TARS3: variants seen among roughly 807,000 people sequenced by gnomAD.
TARS3 encodes threonine--tRNA ligase 2, cytoplasmic.
A neutral mutation model predicts 103.5 loss-of-function variants in TARS3; 94 were observed. The ratio of observed to expected loss-of-function variants is 0.91; its 90% CI spans 0.77 to 1.08. The LOEUF is 1.08. TARS3 is among the 50% of genes least tolerant of loss of function. TARS3 has a pLI of 0.00. For synonymous variants in TARS3, 416 were observed against 355.4 expected (o/e 1.17, Z -1.92); for missense variants, 952 against 995.2 (o/e 0.96, Z 0.58).
At chr15:101,713,222 T>C (rs1899951559) in intron 4 of TARS3, among the ~76,000 whole-genome samples, 2 of 151,596 alleles carry the variant, frequency 1.3e-5, no homozygotes, top group South Asian at 4.2e-4. Flanking sequence ...TATAGAAAAA[T>C]GGTGAGTGTC....
chr15:101,704,390 C>G (rs1332025602), intron 7 of TARS3, among the ~76,000 whole-genome samples: 1 of 152,136 alleles, frequency 6.6e-6, no homozygotes, highest in Non-Finnish European at 1.5e-5. Context: ...TGTGGTGGCT[C>G]ACACCTGTAA....
rs145284423 is a variant in TARS3, at chr15:101,658,618, G to A, written c.2073-761C>T. Among the ~76,000 whole-genome samples, 429 of 152,258 alleles carry A rather than the reference G, an allele frequency of 2.8e-3. 2 individuals are homozygous for A. The highest frequency in any genetic ancestry group is 9.7e-3 in the African/African-American group (404 of 41,544). ...ACTGGTGGCCTTACACCATCTGTCC[G>A]TGTGACACAGCTAAATACACGTTCA... is the stretch of plus-strand genomic sequence containing the variant. On this transcript the variant is annotated intron_variant, in intron 16 of 18. Transcript: ENST00000335968.
chr15:101,719,856 G>A (rs151187765), intron 3 of TARS3, among the ~76,000 whole-genome samples: 5 of 152,194 alleles, frequency 3.3e-5, no homozygotes, highest in Non-Finnish European at 5.9e-5. Context: ...CTTCTAGACG[G>A]TTAGCTTGCA....
intron 10 of TARS3, among the ~76,000 whole-genome samples, chr15:101,687,549 G>A (rs749739520): frequency 8.6e-5 from 13 of 152,012 alleles, no homozygotes; most frequent in Non-Finnish European, 1.9e-4. Flanking sequence ...CAGGGTGTGC[G>A]TGTTCGCTTT....
At chr15:101,704,139 ATCT>A (rs1021679025) in intron 7 of TARS3, among the ~76,000 whole-genome samples, 2 of 152,240 alleles carry the variant, frequency 1.3e-5, no homozygotes. Flanking sequence ...ACCACAGAAC[ATCT>A]TCTGAAAGAA....
intron 12 of TARS3, among the ~76,000 whole-genome samples, chr15:101,679,143 T>C (rs1348532077): frequency 6.6e-6 from 1 of 152,224 alleles, no homozygotes; most frequent in East Asian, 1.9e-4. Context: ...GAGTTTATCC[T>C]GAACAGCTTT....
Position 101,691,240 on chromosome 15 carries a change from A to G in TARS3, c.1321-5178T>C, listed in dbSNP as rs549793087. Among the ~76,000 whole-genome samples, 20 of 147,624 alleles carry G rather than the reference A, an allele frequency of 1.4e-4. No individual in the cohort carries two copies. In the South Asian group the frequency reaches 2.0e-3, roughly 14 times the overall value. Reference sequence around the variant, plus strand: ...AGGCATGAGCCACTGCGCCCGGCCAATGGGTATCAGTCTTAGAACTATTAC... The same window carrying G: ...AGGCATGAGCCACTGCGCCCGGCCAGTGGGTATCAGTCTTAGAACTATTAC... On this transcript the variant is annotated intron_variant, in intron 10 of 18. Coordinates refer to ENST00000335968, the MANE Select transcript of TARS3 (RefSeq NM_152334.3).
chr15:101,721,080 A>G, intron 3 of TARS3, 46 bp downstream of exon 3: 2 of 1,506,342 alleles, frequency 1.3e-6, no homozygotes, highest in Non-Finnish European at 9.1e-7. Flanking sequence ...ACCAGGCTTC[A>G]GTATAATTAC....
intron 12 of TARS3, among the ~76,000 whole-genome samples, 153 bp from the exon 13 acceptor site, chr15:101,675,890 A>G (rs1898001579): frequency 6.6e-6 from 1 of 152,218 alleles, no homozygotes. Flanking sequence ...TCCTGAGCTG[A>G]ACCTTCGTTT....
At chr15:101,700,227 CG>C (rs2141427281) in intron 10 of TARS3, among the ~76,000 whole-genome samples, 1 of 151,698 alleles carries the variant, frequency 6.6e-6, no homozygotes, top group Admixed American at 6.6e-5. Flanking sequence ...GTAGTCCACC[CG>C]GATCACCTGT....
intron 12 of TARS3, among the ~76,000 whole-genome samples, chr15:101,680,811 T>C (rs1205020242): frequency 6.6e-6 from 1 of 152,216 alleles, no homozygotes; most frequent in Non-Finnish European, 1.5e-5. Flanking sequence ...TTTTGAGGAA[T>C]CCAATTTATC....
At chr15:101,693,769 G>A (rs115026790) in intron 10 of TARS3, among the ~76,000 whole-genome samples, 214 of 152,286 alleles carry the variant, frequency 1.4e-3, no homozygotes, top group African/African-American at 5.0e-3. Flanking sequence ...TCTCCAGGGT[G>A]TTATGCTGGG....
At chr15:101,691,865 A>T (rs55703668) in intron 10 of TARS3, among the ~76,000 whole-genome samples, 2,329 of 144,204 alleles carry the variant, frequency 0.016, 68 homozygotes, top group African/African-American at 0.057. Context: ...GCACTGTTTA[A>T]TTCTCTGTGT....
intron 1 of TARS3, 74 bp downstream of exon 1, chr15:101,724,017 T>A: frequency 3.9e-6 from 5 of 1,291,048 alleles, no homozygotes; most frequent in Non-Finnish European, 5.0e-6. Flanking sequence ...CCCCCGCAGT[T>A]GAAAACCTTT....
intron 6 of TARS3, among the ~76,000 whole-genome samples, chr15:101,708,585 T>C (rs1567352078): frequency 1.3e-5 from 2 of 152,172 alleles, no homozygotes; most frequent in African/African-American, 4.8e-5. Flanking sequence ...ACCTGGCCCT[T>C]TACCTACCTA....
intron 18 of TARS3, among the ~76,000 whole-genome samples, chr15:101,655,195 G>C (rs1287033763): frequency 1.4e-5 from 2 of 148,136 alleles, no homozygotes; most frequent in African/African-American, 2.5e-5. Flanking sequence ...GCGCAAATGA[G>C]AGCGGGGAGC....
chr15:101,675,845 T>A, intron 12 of TARS3, 108 bp from the exon 13 acceptor site: 1 of 1,235,124 alleles, frequency 8.1e-7, no homozygotes, highest in Non-Finnish European at 1.1e-6. Context: ...TTTAATGGAG[T>A]ACAGTTGATG....
intron 2 of TARS3, among the ~76,000 whole-genome samples, chr15:101,722,217 C>CTT (rs55694230): frequency 4.3e-5 from 6 of 138,726 alleles, no homozygotes; most frequent in African/African-American, 1.1e-4. Context: ...TGGCATCTCC[C>CTT]TTTTTTTTTT....
chr15:101,689,745 C>T (rs915060284), intron 10 of TARS3, among the ~76,000 whole-genome samples: 2 of 152,188 alleles, frequency 1.3e-5, no homozygotes, highest in African/African-American at 4.8e-5. Context: ...ACACTTCTGG[C>T]CTCCAAAACT....
Sources: allele counts gnomAD v4.1 joint callset (sites outside exome capture counted in the v4.1 genomes callset), GRCh38; gene constraint gnomAD v4.1.1; transcripts MANE v1.5; gene names NCBI Gene and HGNC (gene_info 2026-07-23, HGNC 2026-07-21).